The following ATP2A2 variants were observed in gnomAD, a reference collection of about 807,000 sequenced individuals.
ATP2A2 encodes the protein ATPase sarcoplasmic/endoplasmic reticulum Ca2+ transporting 2, also known as sarcoplasmic/endoplasmic reticulum calcium ATPase 2.
Under a neutral mutation model 109.3 loss-of-function variants are expected in ATP2A2, and 14 were observed. That is an observed-to-expected ratio of 0.13 (90% CI 0.08 to 0.20). ATP2A2 has a LOEUF of 0.20. Ranked by LOEUF, ATP2A2 falls within the 10% of genes least tolerant of loss-of-function variation. The pLI is 1.00. For missense variants in ATP2A2, 657 were observed against 1,321.6 expected (o/e 0.50, Z 7.80); for synonymous variants, 506 against 490.9 (o/e 1.03, Z -0.41).
In ATP2A2 at chr12:110,281,920, C is replaced by G. The variant is rs1872133385; in HGVS notation, c.118+13C>G. 3 of 1,560,576 alleles carry G rather than the reference C, an allele frequency of 1.9e-6. No homozygotes were observed. The African/African-American group carries it at 4.2e-5, about 22-fold the overall frequency. ...TGGGGCTCCAACGGTAGGTGCAGGGCGCTCCGCTGCAGGGGCCCGGCGCGG... is the reference window on the plus strand; with the variant it reads ...TGGGGCTCCAACGGTAGGTGCAGGGGGCTCCGCTGCAGGGGCCCGGCGCGG... On this transcript the variant is annotated intron_variant, in intron 1 of 19. Coordinates refer to ENST00000539276, the MANE Select transcript of ATP2A2 (RefSeq NM_170665.4).
At chr12:110,323,111 C>A in intron 6 of ATP2A2, 39 bp downstream of exon 6, 1 of 1,475,758 alleles carries the variant, frequency 6.8e-7, no homozygotes, top group East Asian at 2.3e-5. Flanking sequence ...TTCTGAAGAC[C>A]TTCGCATATT....
At chr12:110,331,059 C>G (rs1307472104) in intron 8 of ATP2A2, 4 of 151,974 alleles carry the variant, frequency 2.6e-5, no homozygotes, top group Non-Finnish European at 5.9e-5. Context: ...GCCTGACTAA[C>G]ATGGTGAAAC....
At chr12:110,322,054 G>A (rs566336288) in intron 5 of ATP2A2, among the ~76,000 whole-genome samples, 272 of 151,776 alleles carry the variant, frequency 1.8e-3, no homozygotes, top group African/African-American at 6.1e-3. Context: ...GCAGTGGCGC[G>A]ATCTCAGCTC....
At chr12:110,293,375 T>TG (rs1873542257) in intron 4 of ATP2A2, among the ~76,000 whole-genome samples, 3 of 120,202 alleles carry the variant, frequency 2.5e-5, no homozygotes, top group African/African-American at 3.4e-5. Context: ...GCCTTTTTTT[T>TG]TTTTTTTTTT....
intron 11 of ATP2A2, among the ~76,000 whole-genome samples, chr12:110,334,690 C>T (rs976008774): frequency 6.7e-6 from 1 of 149,488 alleles, no homozygotes; most frequent in Admixed American, 6.8e-5. Context: ...CAGGTTCAAG[C>T]GATTCTCCTG....
chr12:110,292,404 C>T (rs1285464724), intron 4 of ATP2A2, among the ~76,000 whole-genome samples: 1 of 151,930 alleles, frequency 6.6e-6, no homozygotes, highest in African/African-American at 2.4e-5. Context: ...GTAGCTGGGA[C>T]TACAGGCACG....
At position 110,347,059 on chromosome 12, in the gene ATP2A2, C is replaced by T. The variant is rs988224927; in HGVS notation, c.*589C>T. 2.1e-5 allele frequency: 23 copies of T among 1,082,846 alleles called. No homozygotes were observed. Among genetic ancestry groups the T allele is most frequent in the South Asian group, 8.0e-5 (3 of 37,442 alleles). The allele number at this position is 1,082,846 out of a possible 1,614,324, so 67.1% of individuals were successfully genotyped here. On this transcript the variant is annotated 3_prime_UTR_variant, in exon 20 of 20. Transcript: ENST00000539276. ...ACCTCTCCCCACCTTACCCCCGCCC[C>T]GCTTGGCTTCTTCTTTAGGATTGTG...
chr12:110,289,471 C>T (rs1873031031), intron 3 of ATP2A2, among the ~76,000 whole-genome samples: 1 of 152,008 alleles, frequency 6.6e-6, no homozygotes, highest in Non-Finnish European at 1.5e-5. Flanking sequence ...ATTTATTATA[C>T]TCATTCTGGT....
chr12:110,296,760 C>A, intron 5 of ATP2A2, 23 bp downstream of exon 5: 1 of 1,612,830 alleles, frequency 6.2e-7, no homozygotes, highest in African/African-American at 1.3e-5. Context: ...TGTCATTTTT[C>A]TTTTATTCTA....
chr12:110,326,543 T>A, intron 7 of ATP2A2, 68 bp downstream of exon 7: 1 of 1,388,370 alleles, frequency 7.2e-7, no homozygotes, highest in Non-Finnish European at 1.0e-6. Context: ...GTTATGTTTT[T>A]CACTGCCAAC....
At chr12:110,290,412 G>A (rs1873138673) in intron 3 of ATP2A2, among the ~76,000 whole-genome samples, 1 of 152,102 alleles carries the variant, frequency 6.6e-6, no homozygotes, top group Non-Finnish European at 1.5e-5. Context: ...TATGTCACAT[G>A]GATATTACTT....
intron 9 of ATP2A2, 97 bp from the exon 10 acceptor site, chr12:110,333,084 C>G: frequency 9.2e-7 from 1 of 1,081,534 alleles, no homozygotes; most frequent in Non-Finnish European, 1.4e-6. Context: ...CCCAGAAATT[C>G]TGTTTTCATT....
chr12:110,300,351 C>CTTT lies in ATP2A2; in HGVS notation c.463+3632_463+3634dup, dbSNP rs34894637. Among the ~76,000 whole-genome samples the CTTT allele has an allele frequency of 3.4e-4, 35 of 104,430 alleles. 1 individual carries two copies. The highest frequency in any genetic ancestry group is 7.2e-4 in the African/African-American group (17 of 23,642). The allele number at this position is 104,430 out of a possible 152,430, so 68.5% of individuals were successfully genotyped here. On this transcript the variant is annotated intron_variant, in intron 5 of 19. Transcript: ENST00000539276. Reference sequence around the variant, plus strand: ...TACAGGCACATGACACCATGCCCAGCTTTTTTTTTTTTTTTTTTTTAAAGA... The same window carrying CTTT: ...TACAGGCACATGACACCATGCCCAGCTTTTTTTTTTTTTTTTTTTTTTTAAAGA...
Position 110,281,618 on chromosome 12 carries a change from G to A in ATP2A2, c.-172G>A, listed in dbSNP as rs1872091896. 2.5e-6 allele frequency: 1 copy of A among 392,648 alleles called. No individual in the cohort carries two copies. Among genetic ancestry groups the A allele is most frequent in the East Asian group, 4.4e-5 (1 of 22,546 alleles). 24.3% of individuals were successfully genotyped at this position (392,648 alleles called of 1,614,324 possible). ...GCGCGAGGGGCGGTTGTCTGGGGGA[G>A]GGGGCGCGGGGTGATTCAGCGCCCG... is the stretch of plus-strand genomic sequence containing the variant. On this transcript the variant is annotated 5_prime_UTR_variant, in exon 1 of 20. Transcript: ENST00000539276.
intron 7 of ATP2A2, 123 bp downstream of exon 7, chr12:110,326,598 C>T: frequency 9.9e-7 from 1 of 1,011,016 alleles, no homozygotes; most frequent in Non-Finnish European, 1.5e-6. Flanking sequence ...TTTTCATGGT[C>T]AGTCTTAGGT....
chr12:110,332,788 C>A, intron 9 of ATP2A2, 103 bp downstream of exon 9: 1 of 1,024,452 alleles, frequency 9.8e-7, no homozygotes, highest in Non-Finnish European at 1.6e-6. Flanking sequence ...CTGAATGTGG[C>A]TCAAGTCAAC....
rs763817083 is a variant in ATP2A2, at chr12:110,344,897, G to A, written c.2533G>A (p.Ala845Thr). The change falls in exon 17 of 20, where the codon GCT becomes ACT. Residue 845 changes from alanine (A) to threonine (T), a missense_variant. Ala to Thr is a moderately conservative substitution (Grantham distance 58). Transcript: ENST00000539276. The stretch of plus-strand genomic sequence containing the variant: ...GTGTTTGTTCCCAGGTTACGTCGGC[G>A]CTGCTACCGTGGGTGCTGCTGCATG... Reference protein sequence around the residue: ...RYLAIGCYVGAATVGAAAWWF... With the variant: ...RYLAIGCYVGTATVGAAAWWF... 5.0e-6 allele frequency: 8 copies of A among 1,614,082 alleles called. No individual in the cohort carries two copies. The highest frequency in any genetic ancestry group is 1.6e-4 in the Middle Eastern group (1 of 6,084).
At chr12:110,308,347 G>A (rs1042647755) in intron 5 of ATP2A2, among the ~76,000 whole-genome samples, 11 of 152,186 alleles carry the variant, frequency 7.2e-5, no homozygotes, top group Admixed American at 5.2e-4. Context: ...ATAGGTGTGG[G>A]TCTCATAGGC....
chr12:110,282,170 G>A (rs182266894), intron 1 of ATP2A2, among the ~76,000 whole-genome samples: 55 of 152,358 alleles, frequency 3.6e-4, no homozygotes, highest in African/African-American at 1.2e-3. Flanking sequence ...GCCGGCCCCG[G>A]TGGAGGGAGG....
Sources: allele counts gnomAD v4.1 joint callset (sites outside exome capture counted in the v4.1 genomes callset), GRCh38; gene constraint gnomAD v4.1.1; transcripts MANE v1.5; gene names NCBI Gene and HGNC (gene_info 2026-07-23, HGNC 2026-07-21).